Variants in DRC3 observed in about 807,000 individuals in gnomAD.
The protein encoded by DRC3 is leucine rich repeat containing 48.
A neutral mutation model predicts 57.6 loss-of-function variants in DRC3; 45 were observed. The observed-to-expected ratio is 0.78, with a 90% CI of 0.62 to 1.00. The LOEUF (loss-of-function observed/expected upper bound fraction) is 1.00, where lower values mean the gene tolerates loss of function less well. Ranked by LOEUF, DRC3 falls within the 50% of genes least tolerant of loss-of-function variation. The probability of loss-of-function intolerance (pLI) is 0.00; values close to 1 mark genes in which losing one functional copy is unlikely to be tolerated. For synonymous variants in DRC3, 257 were observed against 272.3 expected, an observed-to-expected ratio of 0.94 and a Z score of 0.55; for missense variants, 655 against 675.2, an observed-to-expected ratio of 0.97 and a Z score of 0.33.
chr17:17,985,048 C>T (rs978556021), intron 4 of DRC3, among the ~76,000 whole-genome samples: 1 of 152,170 alleles, frequency 6.6e-6, no homozygotes, highest in African/African-American at 2.4e-5. Flanking sequence ...TCTCATTTCT[C>T]TGCACTCTAG....
At chr17:18,007,466 G>T in intron 12 of DRC3, 1 of 1,551,316 alleles carries the variant, frequency 6.4e-7, no homozygotes, top group Non-Finnish European at 8.7e-7. Context: ...TACAGGTAGA[G>T]GTTGAAGTCT....
intron 9 of DRC3, among the ~76,000 whole-genome samples, chr17:18,004,106 CAA>C (rs1357277028): frequency 6.6e-6 from 1 of 152,112 alleles, no homozygotes; most frequent in African/African-American, 2.4e-5. Flanking sequence ...TGCTAGTGCT[CAA>C]AGAGCCTCAC....
intron 12 of DRC3, chr17:18,015,863 T>C: frequency 1.7e-6 from 1 of 577,014 alleles, no homozygotes; most frequent in Non-Finnish European, 3.1e-6. Flanking sequence ...CCACAACACC[T>C]GCCCTGTGCA....
intron 5 of DRC3, among the ~76,000 whole-genome samples, chr17:17,991,226 AT>A (rs1014004373): frequency 2.2e-5 from 3 of 139,064 alleles, no homozygotes; most frequent in Non-Finnish European, 4.6e-5. Flanking sequence ...AGCATGCTAG[AT>A]TTTTTTTTCT....
intron 9 of DRC3, among the ~76,000 whole-genome samples, chr17:18,002,660 C>G (rs532826389): frequency 2.0e-5 from 3 of 152,164 alleles, no homozygotes; most frequent in Admixed American, 1.3e-4. Flanking sequence ...CTCCGGTAGC[C>G]GAGCTCCACT....
Position 17,994,206 on chromosome 17 carries a change from G to A in DRC3, c.592-93G>A, listed in dbSNP as rs778000807. On this transcript the variant is annotated intron_variant, in intron 6 of 13. Transcript: ENST00000399187. ...CCCTGTGCAACACCCCTGCCCATGCGCGGGAGGCTGCAGCATGGCAGAGGC... is the reference window on the plus strand; with the variant it reads ...CCCTGTGCAACACCCCTGCCCATGCACGGGAGGCTGCAGCATGGCAGAGGC... 1.8e-4 allele frequency: 262 copies of A among 1,485,956 alleles called. 1 individual carries two copies. Among genetic ancestry groups the A allele is most frequent in the Non-Finnish European group, 2.2e-4 (244 of 1,106,502 alleles). The allele number at this position is 1,485,956 out of a possible 1,614,324, so 92.0% of individuals were successfully genotyped here. A position where few individuals can be genotyped will look rare whatever the true frequency, so the allele number is the denominator to read the frequency against.
intron 5 of DRC3, among the ~76,000 whole-genome samples, chr17:17,991,927 G>A (rs187341352): frequency 2.9e-4 from 44 of 152,064 alleles, no homozygotes; most frequent in South Asian, 6.2e-4. Context: ...GATTTATTGT[G>A]ACCAGGAGCT....
At chr17:17,985,742 T>C (rs2042927109) in intron 4 of DRC3, among the ~76,000 whole-genome samples, 1 of 152,062 alleles carries the variant, frequency 6.6e-6, no homozygotes, top group Non-Finnish European at 1.5e-5. Flanking sequence ...TCAGCCCCCA[T>C]TGGTAAACAC....
chr17:17,994,366 A>C lies in DRC3; in HGVS notation c.659A>C (p.Gln220Pro). 1 of 1,555,498 alleles carries C rather than the reference A, an allele frequency of 6.4e-7. No homozygotes were observed. ...DELKHQENLM[Q>P]AQLEDEQAQR... ...CTGAAGCACCAGGAGAACCTGATGC[A>C]GGCCCAGCTGGAGGACGAGCAGGCG... Residue 220 changes from glutamine to proline, a missense_variant, in exon 7 of 14, where the codon CAG becomes CCG. By Grantham distance (76) the Gln-to-Pro change is moderately conservative. Coordinates refer to ENST00000399187, the MANE Select transcript of DRC3 (RefSeq NM_031294.4).
intron 9 of DRC3, 113 bp downstream of exon 9, chr17:17,997,747 G>A: frequency 9.8e-7 from 1 of 1,018,568 alleles, no homozygotes; most frequent in South Asian, 1.8e-5. Flanking sequence ...TGACCCCTGA[G>A]GCCAATGGTT....
At chr17:18,014,789 A>G (rs2044295941) in intron 12 of DRC3, among the ~76,000 whole-genome samples, 1 of 152,188 alleles carries the variant, frequency 6.6e-6, no homozygotes, top group Admixed American at 6.5e-5. Flanking sequence ...TCCTAAGCAC[A>G]CTGCCAAGGC....
chr17:18,007,162 C>CAGAGCA lies in DRC3; in HGVS notation c.1326+15_1326+16insAGAGCA. The CAGAGCA allele has an allele frequency of 9.0e-7, 1 of 1,111,842 alleles. No homozygotes were observed. Among genetic ancestry groups the CAGAGCA allele is most frequent in the Non-Finnish European group, 1.3e-6 (1 of 791,804 alleles). The allele number at this position is 1,111,842 out of a possible 1,614,324, so 68.9% of individuals were successfully genotyped here. On this transcript the variant is annotated intron_variant, in intron 12 of 13. Coordinates refer to ENST00000399187, the MANE Select transcript of DRC3 (RefSeq NM_031294.4). Reference sequence around the variant, plus strand: ...ACCTGCGCGCGGTAGGCGGGGCGGGCTGCTCGGAGCCTGACAGATGTGGTC... The same window carrying CAGAGCA: ...ACCTGCGCGCGGTAGGCGGGGCGGGCAGAGCATGCTCGGAGCCTGACAGATGTGGTC...
At chr17:18,005,721 A>G (rs2145418571) in intron 10 of DRC3, 1 of 167,062 alleles carries the variant, frequency 6.0e-6, no homozygotes, top group South Asian at 1.7e-4. Context: ...GATGAGGAAG[A>G]TAAGGCCCAA....
At position 18,000,503 on chromosome 17, in the gene DRC3, AATT is replaced by A. The variant is rs529733567; in HGVS notation, c.999+2873_999+2875del. ...ATATCGCATTGCATGGGTGAGCCAT[AATT>A]ATTTAGCCAGTCCCTGTTGATGGAC... On this transcript the variant is annotated intron_variant, in intron 9 of 13. Coordinates refer to ENST00000399187, the MANE Select transcript of DRC3 (RefSeq NM_031294.4). 6.0e-4 allele frequency among the ~76,000 whole-genome samples: 92 copies of A among 152,234 alleles called. 1 individual carries two copies. Among genetic ancestry groups the A allele is most frequent in the African/African-American group, 1.9e-3 (77 of 41,534 alleles).
Position 17,997,641 on chromosome 17 carries a change from C to A in DRC3, c.999+7C>A. The A allele has an allele frequency of 6.3e-7, 1 of 1,590,284 alleles. No homozygotes were observed. Among genetic ancestry groups the A allele is most frequent in the South Asian group, 1.1e-5 (1 of 87,324 alleles). ...CGAGGAGAAGCACTTGTCGGTAGGC[C>A]CCGAGCCTCCTGAGGCCCTCCCTGT... On this transcript the variant is annotated splice_region_variant and intron_variant, in intron 9 of 13. Transcript: ENST00000399187.
intron 11 of DRC3, 190 bp downstream of exon 11, chr17:18,006,443 C>G (rs2043954101): frequency 8.4e-6 from 5 of 597,710 alleles, no homozygotes; most frequent in Non-Finnish European, 1.5e-5. Flanking sequence ...GCAGTAGGCT[C>G]CCAGCATGAT....
intron 12 of DRC3, chr17:18,007,558 C>A (rs370010040): frequency 1.8e-5 from 27 of 1,506,908 alleles, no homozygotes; most frequent in Non-Finnish European, 2.4e-5. Flanking sequence ...ATTTCTGATC[C>A]TGCACAATGC....
intron 9 of DRC3, among the ~76,000 whole-genome samples, chr17:17,999,269 T>C (rs2145372385): frequency 6.6e-6 from 1 of 152,304 alleles, no homozygotes. Flanking sequence ...GAGCTGACCA[T>C]CCTAGTGCTC....
intron 12 of DRC3, among the ~76,000 whole-genome samples, chr17:18,012,010 G>A (rs543484919): frequency 1.3e-5 from 2 of 152,318 alleles, no homozygotes; most frequent in Admixed American, 1.3e-4. Context: ...TTTTAGTAGA[G>A]ATGGGGTTTT....
Sources: gnomAD v4.1 joint callset for allele counts (sites outside exome capture counted in the v4.1 genomes callset) on GRCh38, gnomAD v4.1.1 for gene constraint, MANE v1.5 for transcripts, NCBI Gene and HGNC (gene_info 2026-07-23, HGNC 2026-07-21) for gene names.